Variants in TRIO observed in about 807,000 individuals in gnomAD.
TRIO encodes the protein triple functional domain protein.
TRIO carries 58 observed loss-of-function variants against 351.9 expected under a neutral mutation model. The observed-to-expected ratio is 0.16, with a 90% CI of 0.13 to 0.21. TRIO has a LOEUF of 0.21. Ranked by LOEUF, TRIO falls within the 10% of genes least tolerant of loss-of-function variation. The pLI is 1.00. For missense variants in TRIO, 3,201 were observed against 4,027.8 expected (o/e 0.79, Z 5.56); for synonymous variants, 1,758 against 1,595.7 (o/e 1.10, Z -2.42).
chr5:14,406,736 C>T, intron 33 of TRIO, 64 bp downstream of exon 33: 3 of 1,504,306 alleles, frequency 2.0e-6, no homozygotes, highest in Non-Finnish European at 2.8e-6. Flanking sequence ...CAAAGCAGCC[C>T]CCTCCTTTCT....
intron 16 of TRIO, among the ~76,000 whole-genome samples, chr5:14,367,338 T>C (rs1744693436): frequency 6.6e-6 from 1 of 152,196 alleles, no homozygotes; most frequent in South Asian, 2.1e-4. Context: ...CAGTCTCAGC[T>C]GAGGTTTTCT....
intron 53 of TRIO, among the ~76,000 whole-genome samples, chr5:14,502,233 CAT>C (rs1757347599): frequency 6.6e-6 from 1 of 152,036 alleles, no homozygotes; most frequent in African/African-American, 2.4e-5. Flanking sequence ...AAAGAGGCCA[CAT>C]ATGCAAGTTT....
At chr5:14,288,941 G>A (rs1736677229) in intron 4 of TRIO, among the ~76,000 whole-genome samples, 1 of 152,154 alleles carries the variant, frequency 6.6e-6, no homozygotes, top group Non-Finnish European at 1.5e-5. Context: ...GATAAGGTGA[G>A]GTTAAGATTT....
intron 19 of TRIO, among the ~76,000 whole-genome samples, chr5:14,377,440 T>G (rs1433990197): frequency 6.6e-6 from 1 of 152,098 alleles, no homozygotes; most frequent in African/African-American, 2.4e-5. Flanking sequence ...GAGACAGAGT[T>G]TCGCTATGTT....
At chr5:14,236,555 T>C (rs115646313) in intron 1 of TRIO, among the ~76,000 whole-genome samples, 1 of 152,306 alleles carries the variant, frequency 6.6e-6, no homozygotes, top group African/African-American at 2.4e-5. Flanking sequence ...CTTTGTGTGG[T>C]TTTAGGAGAG....
rs539286692 is a variant in TRIO, at chr5:14,347,746, A to C, written c.2047-10432A>C. Among the ~76,000 whole-genome samples, 6 of 152,310 alleles carry C rather than the reference A, an allele frequency of 3.9e-5. No homozygotes were observed. The South Asian group carries it at 1.2e-3, about 32-fold the overall frequency. On this transcript the variant is annotated intron_variant, in intron 11 of 56. Transcript: ENST00000344204. ...AGTGCTGGAGGGAGTTTCTAGCGTC[A>C]TGTTGCAGGTGTCTGTTCTCATGCA...
chr5:14,387,429 T>A lies in TRIO; in HGVS notation c.3571-9T>A. 1 of 1,595,966 alleles carries A rather than the reference T, an allele frequency of 6.3e-7. No homozygotes were observed. The highest frequency in any genetic ancestry group is 1.1e-5 in the South Asian group (1 of 89,314). The stretch of plus-strand genomic sequence containing the variant: ...TTGCCTCACAATACTTTCCTGTTGT[T>A]TTTTGCAGCAAACCAAAGAGAGAGT... On this transcript the variant is annotated splice_polypyrimidine_tract_variant and intron_variant, in intron 21 of 56. Coordinates refer to ENST00000344204, the MANE Select transcript of TRIO (RefSeq NM_007118.4).
chr5:14,317,024 C>T (rs1307267112), intron 9 of TRIO, among the ~76,000 whole-genome samples: 2 of 152,126 alleles, frequency 1.3e-5, no homozygotes, highest in Non-Finnish European at 2.9e-5. Flanking sequence ...TTATTTGTGA[C>T]AATAATGCTG....
chr5:14,156,870 A>G (rs1323048629), intron 1 of TRIO, among the ~76,000 whole-genome samples: 2 of 152,244 alleles, frequency 1.3e-5, no homozygotes, highest in Non-Finnish European at 2.9e-5. Flanking sequence ...GCCAGACTCC[A>G]TCAACAGCTT....
intron 29 of TRIO, among the ~76,000 whole-genome samples, chr5:14,398,470 A>C (rs944095079): frequency 3.3e-5 from 5 of 152,086 alleles, no homozygotes; most frequent in African/African-American, 1.2e-4. Context: ...AGAGAGAATC[A>C]AGACGGAGGC....
At chr5:14,357,071 C>T (rs1383737624) in intron 11 of TRIO, among the ~76,000 whole-genome samples, 1 of 152,296 alleles carries the variant, frequency 6.6e-6, no homozygotes, top group South Asian at 2.1e-4. Context: ...TACATTTGTG[C>T]AGCTTATAGT....
intron 34 of TRIO, among the ~76,000 whole-genome samples, chr5:14,442,211 C>G (rs1259619297): frequency 1.3e-5 from 2 of 152,248 alleles, no homozygotes; most frequent in Non-Finnish European, 2.9e-5. Flanking sequence ...GGGTCACTTT[C>G]AGTGTTTGCC....
intron 1 of TRIO, among the ~76,000 whole-genome samples, chr5:14,245,455 G>C (rs1192868756): frequency 6.6e-6 from 1 of 152,188 alleles, no homozygotes; most frequent in Admixed American, 6.5e-5. Flanking sequence ...TCCACTTGTA[G>C]ATGAAGAAAA....
chr5:14,257,411 A>G (rs962807697), intron 1 of TRIO, among the ~76,000 whole-genome samples: 7 of 152,140 alleles, frequency 4.6e-5, no homozygotes, highest in African/African-American at 1.7e-4. Context: ...TTTGGGAGAG[A>G]GGTAGTTAGT....
intron 38 of TRIO, 152 bp from the exon 39 acceptor site, chr5:14,472,440 A>AT (rs1383384319): frequency 1.2e-6 from 1 of 804,138 alleles, no homozygotes; most frequent in African/African-American, 1.7e-5. Context: ...CCTGTAAGTG[A>AT]TTTGGGACTC....
intron 55 of TRIO, among the ~76,000 whole-genome samples, chr5:14,505,928 G>C (rs1189026281): frequency 1.3e-5 from 2 of 152,242 alleles, no homozygotes; most frequent in African/African-American, 4.8e-5. Flanking sequence ...GCCTCGCCTG[G>C]CCTCAGTCCC....
In TRIO at chr5:14,476,875, T is replaced by G; in HGVS notation, c.6084-19T>G. 6.2e-7 allele frequency: 1 copy of G among 1,605,794 alleles called. No homozygotes were observed. The highest frequency in any genetic ancestry group is 8.5e-7 in the Non-Finnish European group (1 of 1,173,820). ...GGCCACACTGGAAATAGTTCTAATA[T>G]TTTCTCCTTTCTTTCCAGCTTTTTT... On this transcript the variant is annotated intron_variant, in intron 40 of 56. Coordinates refer to ENST00000344204, the MANE Select transcript of TRIO (RefSeq NM_007118.4).
intron 1 of TRIO, among the ~76,000 whole-genome samples, chr5:14,188,074 A>G (rs1157330539): frequency 1.3e-5 from 2 of 152,238 alleles, no homozygotes; most frequent in East Asian, 1.9e-4. Context: ...TGAATAGTGA[A>G]CACAGATTTT....
chr5:14,358,429 G>C, intron 12 of TRIO, 82 bp downstream of exon 12: 1 of 1,526,428 alleles, frequency 6.6e-7, no homozygotes, highest in Non-Finnish European at 8.9e-7. Context: ...CTTGTGAGTG[G>C]TCAGCTCTGC....
Sources: gnomAD v4.1 joint callset for allele counts (sites outside exome capture counted in the v4.1 genomes callset) on GRCh38, gnomAD v4.1.1 for gene constraint, MANE v1.5 for transcripts, NCBI Gene and HGNC (gene_info 2026-07-23, HGNC 2026-07-21) for gene names.